PDLIM2: variants seen among roughly 807,000 people sequenced by gnomAD.
The protein encoded by PDLIM2 is PDZ and LIM domain 2.
In PDLIM2, 51 loss-of-function variants were observed where a neutral mutation model predicts 54.1. That is an observed-to-expected ratio of 0.94 (90% CI 0.75 to 1.19). PDLIM2 has a LOEUF of 1.19. Ranked by LOEUF, PDLIM2 falls within the 50% of genes most tolerant of loss-of-function variation. The pLI, the probability that PDLIM2 is intolerant of heterozygous loss-of-function variation, is 0.00. For synonymous variants in PDLIM2, 398 were observed against 385.6 expected (o/e 1.03, Z -0.38); for missense variants, 912 against 874.0 (o/e 1.04, Z -0.55).
chr8:22,579,972 G>A (rs574631931), intron 1 of PDLIM2, among the ~76,000 whole-genome samples: 4 of 152,132 alleles, frequency 2.6e-5, no homozygotes, highest in African/African-American at 7.2e-5. Context: ...TGGGGAGCCC[G>A]GTCTTGCCCG....
exon 1 of PDLIM2, chr8:22,578,893 C>A: frequency 8.1e-7 from 1 of 1,238,174 alleles, no homozygotes; most frequent in Non-Finnish European, 1.0e-6. Context: ...GTGCTCCGGG[C>A]AGTCGGGGGC....
intron 3 of PDLIM2, 76 bp from the exon 3 acceptor site, chr8:22,584,745 G>C: frequency 7.1e-7 from 1 of 1,405,590 alleles, no homozygotes; most frequent in Non-Finnish European, 1.0e-6. Flanking sequence ...CTAGATCTGG[G>C]AACAGTTTTG....
At chr8:22,587,004 C>T (rs1444147055) in intron 6 of PDLIM2, among the ~76,000 whole-genome samples, 1 of 152,198 alleles carries the variant, frequency 6.6e-6, no homozygotes, top group Non-Finnish European at 1.5e-5. Context: ...CCCTGGGCCT[C>T]AGGTCAGACT....
intron 6 of PDLIM2, chr8:22,587,950 T>G (rs2117357005): frequency 6.6e-6 from 1 of 152,408 alleles, no homozygotes; most frequent in East Asian, 1.9e-4. Context: ...CCCCTCTCCC[T>G]CTGGTTGGGA....
intron 3 of PDLIM2, among the ~76,000 whole-genome samples, chr8:22,582,973 G>C (rs1245073876): frequency 7.5e-6 from 1 of 132,588 alleles, no homozygotes; most frequent in African/African-American, 2.9e-5. Context: ...GTATTCAGAA[G>C]CCCTGGGGCA....
chr8:22,593,917 C>T, exon 10 of PDLIM2: 1 of 1,547,846 alleles, frequency 6.5e-7, no homozygotes, highest in Non-Finnish European at 8.7e-7. Flanking sequence ...CTGAGCCCGC[C>T]ATGCCCTCAG....
intron 6 of PDLIM2, among the ~76,000 whole-genome samples, chr8:22,587,078 C>T (rs925859100): frequency 3.7e-4 from 57 of 152,136 alleles, no homozygotes; most frequent in African/African-American, 4.3e-4. Context: ...AAATATTTGT[C>T]GAGCAGCTGC....
In PDLIM2 at chr8:22,589,681, G is replaced by GC. The variant is rs1311076664; in HGVS notation, c.1459dup (p.Arg487ProfsTer16). The GC allele has an allele frequency of 3.8e-6, 6 of 1,575,154 alleles. No individual in the cohort carries two copies. Among genetic ancestry groups the GC allele is most frequent in the East Asian group, 2.3e-5 (1 of 42,840 alleles). On this transcript the variant is annotated frameshift_variant, in exon 8 of 10. Coordinates refer to ENST00000308354, the Ensembl canonical transcript of PDLIM2. LOFTEE classifies it high-confidence loss of function. ...GCAGGAAAATCGCGAGGGACGGGCG[G>GC]CCCCCCGACAGTCCAGCTCCTTTCG... is the stretch of plus-strand genomic sequence containing the variant.
At chr8:22,593,479 G>A (rs1203445760) in intron 9 of PDLIM2, 28 of 478,884 alleles carry the variant, frequency 5.8e-5, no homozygotes, top group East Asian at 2.8e-4. Flanking sequence ...CAGGAGGCTG[G>A]TGCAGGAGTA....
chr8:22,581,009 C>A (rs1224565903), intron 2 of PDLIM2: 1 of 656,566 alleles, frequency 1.5e-6, no homozygotes, highest in Non-Finnish European at 2.9e-6. Context: ...GAGTTCTTGG[C>A]AGTCTCCTCT....
rs1800133178 is a variant in PDLIM2, at chr8:22,579,630, G to A, written c.748+103G>A. The A allele has an allele frequency of 1.0e-5, 13 of 1,281,812 alleles. No homozygotes were observed. The South Asian group carries it at 2.1e-4, about 21-fold the overall frequency. The allele number at this position is 1,281,812 out of a possible 1,614,324, so 79.4% of individuals were successfully genotyped here. A position where few individuals can be genotyped will look rare whatever the true frequency, so the allele number is the denominator to read the frequency against. On this transcript the variant is annotated intron_variant, in intron 1 of 9. Transcript: ENST00000308354. ...TGGGCCCAAGGGGAAGGCAGCCGGG[G>A]ATGGAGCGGACAGACCGCTGGTGCT...
At chr8:22,579,921 A>C in intron 1 of PDLIM2, 2 of 191,776 alleles carry the variant, frequency 1.0e-5, no homozygotes, top group East Asian at 1.2e-4. Flanking sequence ...TGACAGATGA[A>C]CCCTGGCCTC....
intron 5 of PDLIM2, 26 bp from the exon 5 acceptor site, chr8:22,585,293 GCA>G: frequency 6.8e-6 from 11 of 1,611,604 alleles, no homozygotes; most frequent in Non-Finnish European, 9.3e-6. Flanking sequence ...GGTGGCCCTG[GCA>G]CACACTGTCC....
At chr8:22,586,239 G>A (rs936677956) in intron 6 of PDLIM2, among the ~76,000 whole-genome samples, 3 of 152,190 alleles carry the variant, frequency 2.0e-5, no homozygotes, top group African/African-American at 7.2e-5. Context: ...GATCTTTCTG[G>A]GGGCCTTCCG....
At chr8:22,581,399 C>G (rs1800198029) in exon 3 of PDLIM2, 1 of 1,606,048 alleles carries the variant, frequency 6.2e-7, no homozygotes, top group Non-Finnish European at 8.5e-7. Context: ...GGGGCAAAGC[C>G]AAGGACGCTG....
chr8:22,585,043 T>G (rs147116454), exon 5 of PDLIM2: 2 of 1,613,650 alleles, frequency 1.2e-6, no homozygotes, highest in African/African-American at 2.7e-5. Flanking sequence ...ACACTGAGAG[T>G]CAGTCCTCCT....
chr8:22,596,456 G>C (rs1300044086), downstream of PDLIM2: 1 of 152,242 alleles, frequency 6.6e-6, no homozygotes, highest in East Asian at 1.9e-4. Flanking sequence ...ACGGAGTTAT[G>C]AGTTGGTCAG....
At chr8:22,596,332 C>T (rs1586933375), downstream of PDLIM2, 1 of 152,198 alleles carries the variant, frequency 6.6e-6, no homozygotes, top group East Asian at 1.9e-4. Context: ...CCCTCTGGCT[C>T]TTGTTCTTTG....
At chr8:22,585,033 A>G (rs770388407) in exon 5 of PDLIM2, 4 of 1,613,894 alleles carry the variant, frequency 2.5e-6, no homozygotes, top group Non-Finnish European at 3.4e-6. Context: ...GTGAGGACAT[A>G]CACTGAGAGT....
Sources: gnomAD v4.1 joint callset for allele counts (sites outside exome capture counted in the v4.1 genomes callset) on GRCh38, gnomAD v4.1.1 for gene constraint, MANE v1.5 for transcripts, NCBI Gene and HGNC (gene_info 2026-07-23, HGNC 2026-07-21) for gene names.